Variants in PERM1 observed in about 807,000 individuals in gnomAD.
The protein encoded by PERM1 is PPARGC1 and ESRR induced regulator, muscle 1.
In PERM1, 45 loss-of-function variants were observed where a neutral mutation model predicts 44.1. The ratio of observed to expected loss-of-function variants is 1.02; its 90% CI spans 0.80 to 1.31. The LOEUF is 1.31. Ranked by LOEUF, PERM1 falls within the 50% of genes most tolerant of loss-of-function variation. PERM1 has a pLI of 0.00. For missense variants in PERM1, 1,189 were observed against 1,106.9 expected (o/e 1.07, Z -1.05); for synonymous variants, 565 against 477.1 (o/e 1.18, Z -2.40).
chr1:975,780 C>T (rs187245348), exon 3 of PERM1: 244 of 188,458 alleles, frequency 1.3e-3, no homozygotes, highest in African/African-American at 5.3e-3. Flanking sequence ...CACTCAGCTC[C>T]CCCTGCACCC....
exon 1 of PERM1, chr1:980,954 C>A: frequency 8.2e-6 from 12 of 1,460,480 alleles, no homozygotes; most frequent in Non-Finnish European, 1.1e-5. Context: ...TGCAGGAGGC[C>A]ACACTCATCG....
At chr1:979,713 G>T (rs1422421142) in exon 1 of PERM1, 2 of 1,550,118 alleles carry the variant, frequency 1.3e-6, no homozygotes, top group African/African-American at 2.7e-5. Context: ...CGCTGGACTC[G>T]GTCATCCTCG....
chr1:975,983 G>A (rs1643586662), exon 3 of PERM1: 3 of 592,546 alleles, frequency 5.1e-6, no homozygotes, highest in South Asian at 2.3e-5. Context: ...CCTCCCAGGC[G>A]TGGGGAGTGG....
Position 979,161 on chromosome 1 carries a change from AACGTCTG to A in PERM1, c.1862_1868del (p.Pro621LeufsTer84), listed in dbSNP as rs1228132708. The A allele has an allele frequency of 6.5e-7, 1 of 1,549,954 alleles. No homozygotes were observed. The highest frequency in any genetic ancestry group is 2.4e-5 in the East Asian group (1 of 40,922). ...CCCGCCGCCTCGACCTCTGGGCTCCAACGTCTGGGAAGAAGAACTCGCACATGTCCGG... is the reference window on the plus strand; with the variant it reads ...CCCGCCGCCTCGACCTCTGGGCTCCAGGAAGAAGAACTCGCACATGTCCGG... On this transcript the variant is annotated frameshift_variant, in exon 1 of 3. Transcript: ENST00000433179. LOFTEE classifies it high-confidence loss of function.
intron 2 of PERM1, 97 bp from the exon 4 acceptor site, chr1:976,366 G>A: frequency 2.0e-6 from 3 of 1,487,548 alleles, no homozygotes; most frequent in Non-Finnish European, 2.7e-6. Context: ...AGGTCGGTGC[G>A]GCCAGGGCCG....
chr1:978,918 G>A lies in PERM1; in HGVS notation c.2112C>T (p.Ala704=), dbSNP rs570864131. The A allele has an allele frequency of 2.0e-3, 3,072 of 1,505,802 alleles. 9 individuals carry two copies. The highest frequency in any genetic ancestry group is 4.5e-3 in the Middle Eastern group (23 of 5,116). 93.3% of individuals were successfully genotyped at this position (1,505,802 alleles called of 1,614,324 possible). The change falls in exon 1 of 3, where the codon GCC becomes GCT. Residue 704 remains alanine (A), a synonymous_variant. Coordinates refer to ENST00000433179, the Ensembl canonical transcript of PERM1. ...GAGCCAGGTGGAGCCGCTCTACCACGGCTGGCTTGAGGGGGGTCCCAGGCC... is the reference window on the plus strand; with the variant it reads ...GAGCCAGGTGGAGCCGCTCTACCACAGCTGGCTTGAGGGGGGTCCCAGGCC...
At chr1:980,104 G>C (rs1165271963) in exon 1 of PERM1, 1 of 1,549,938 alleles carries the variant, frequency 6.5e-7, no homozygotes, top group African/African-American at 1.4e-5. Flanking sequence ...GTCCCTGTCA[G>C]GTTGCGGCTC....
chr1:976,160 C>G (rs997087156), exon 3 of PERM1: 26 of 1,545,728 alleles, frequency 1.7e-5, no homozygotes, highest in East Asian at 2.4e-5. Flanking sequence ...CTCCCTGGCC[C>G]GGGCCTGGCT....
chr1:980,936 G>T (rs1246091603), exon 1 of PERM1: 11 of 1,432,466 alleles, frequency 7.7e-6, no homozygotes, highest in Non-Finnish European at 1.0e-5. Flanking sequence ...CCAGAGGCCA[G>T]GCCGGCCTGC....
exon 2 of PERM1, chr1:976,508 A>G (rs974081135): frequency 1.9e-6 from 3 of 1,549,356 alleles, no homozygotes; most frequent in Non-Finnish European, 2.6e-6. Context: ...CCTGTTTTCC[A>G]GGCGTCTGGG....
rs2100506890 is a variant in PERM1 at position 980,738 on chromosome 1, TC to T, written c.291del (p.Thr98ProfsTer122). ...GACGTGCTGGGTGTCTGCTGACCGG[TC>T]CCCAGGGCCAAGACAGGCTCACCCT... On this transcript the variant is annotated frameshift_variant, in exon 1 of 3. Coordinates refer to ENST00000433179, the Ensembl canonical transcript of PERM1. LOFTEE classifies it high-confidence loss of function. 7.1e-7 allele frequency: 1 copy of T among 1,407,444 alleles called. No homozygotes were observed. Among genetic ancestry groups the T allele is most frequent in the Admixed American group, 3.3e-5 (1 of 30,534 alleles). 87.2% of individuals were successfully genotyped at this position (1,407,444 alleles called of 1,614,324 possible). A position where few individuals can be genotyped will look rare whatever the true frequency, so the allele number is the denominator to read the frequency against.
chr1:976,359 T>C (rs539450858), intron 2 of PERM1, 90 bp from the exon 4 acceptor site: 1 of 1,478,368 alleles, frequency 6.8e-7, no homozygotes, highest in Non-Finnish European at 9.0e-7. Context: ...GCGGGCAAGG[T>C]CGGTGCGGCC....
chr1:980,851 G>A (rs1223079499), exon 1 of PERM1: 1 of 1,402,484 alleles, frequency 7.1e-7, no homozygotes, highest in Non-Finnish European at 9.2e-7. Context: ...CTGCCCAGTT[G>A]GGAGAGGTGG....
chr1:976,451 T>G (rs1450555328), intron 2 of PERM1, 48 bp downstream of exon 3: 1 of 1,548,672 alleles, frequency 6.5e-7, no homozygotes, highest in African/African-American at 1.4e-5. Flanking sequence ...CCAGCGCCCC[T>G]CGGTCTGGCT....
Position 976,435 on chromosome 1 carries a change from G to A in PERM1, c.2275+64C>T, listed in dbSNP as rs1355341320. On this transcript the variant is annotated intron_variant, in intron 2 of 2. Coordinates refer to ENST00000433179, the Ensembl canonical transcript of PERM1. ...GCCCCGGGGCCCCCGTGCACCCCTCGTCCTGCCAGCGCCCCTCGGTCTGGC... is the reference window on the plus strand; with the variant it reads ...GCCCCGGGGCCCCCGTGCACCCCTCATCCTGCCAGCGCCCCTCGGTCTGGC... 6 of 1,547,844 alleles carry A rather than the reference G, an allele frequency of 3.9e-6. No individual in the cohort carries two copies. The Admixed American group carries it at 1.2e-4, about 30-fold the overall frequency.
At position 978,816 on chromosome 1, in the gene PERM1, G is replaced by C. The variant is rs1643695828; in HGVS notation, c.2149+65C>G. 2.2e-6 allele frequency: 3 copies of C among 1,380,160 alleles called. No individual in the cohort carries two copies. The East Asian group carries it at 8.1e-5, about 37-fold the overall frequency. The allele number at this position is 1,380,160 out of a possible 1,614,324, so 85.5% of individuals were successfully genotyped here. A position where few individuals can be genotyped will look rare whatever the true frequency, so the allele number is the denominator to read the frequency against. On this transcript the variant is annotated intron_variant, in intron 1 of 2. Transcript: ENST00000433179. ...GCCCGGCCCCTGCGGCCCCCTGCTT[G>C]GCCAAGATCCCTGGACAGTGTGTGC...
At chr1:979,836 G>T (rs1284586448) in exon 1 of PERM1, 2 of 1,549,664 alleles carry the variant, frequency 1.3e-6, no homozygotes, top group African/African-American at 2.7e-5. Context: ...ACACAGCCAC[G>T]TCCGTGTCCA....
chr1:979,718 T>C, exon 1 of PERM1: 2 of 1,550,210 alleles, frequency 1.3e-6, no homozygotes, highest in Non-Finnish European at 1.7e-6. Context: ...GACTCGGTCA[T>C]CCTCGGCACA....
chr1:976,711 C>A (rs1421524300), intron 1 of PERM1, 87 bp from the exon 3 acceptor site: 2 of 1,468,052 alleles, frequency 1.4e-6, no homozygotes, highest in Non-Finnish European at 1.8e-6. Flanking sequence ...TGCCCCCACC[C>A]CCACCAACCC....
Sources: allele counts gnomAD v4.1 joint callset, GRCh38; gene constraint gnomAD v4.1.1; transcripts MANE v1.5; gene names NCBI Gene and HGNC (gene_info 2026-07-23, HGNC 2026-07-21).